CSMD1: variants seen among roughly 807,000 people sequenced by gnomAD.
The protein encoded by CSMD1 is CUB and Sushi multiple domains 1, also known as CUB and sushi domain-containing protein 1.
A neutral mutation model predicts 417.5 loss-of-function variants in CSMD1; 213 were observed. The observed-to-expected ratio is 0.51, with a 90% CI of 0.46 to 0.57. The LOEUF (loss-of-function observed/expected upper bound fraction) is 0.57, where lower values mean the gene tolerates loss of function less well. Among genes scored for constraint, CSMD1 ranks in the 20% least tolerant of loss-of-function variants. CSMD1 has a pLI of 0.00. For synonymous variants in CSMD1, 2,862 were observed against 1,736.8 expected (o/e 1.65, Z -16.11); for missense variants, 6,923 against 4,529.7 (o/e 1.53, Z -15.17).
intron 1 of CSMD1, among the ~76,000 whole-genome samples, chr8:4,675,517 A>T (rs906231814): frequency 3.9e-5 from 6 of 152,184 alleles, no homozygotes; most frequent in African/African-American, 1.4e-4. Flanking sequence ...TCAAGACTGT[A>T]ATGGAGGGAC....
At chr8:4,245,267 A>G (rs1201141770) in intron 3 of CSMD1, among the ~76,000 whole-genome samples, 2 of 152,182 alleles carry the variant, frequency 1.3e-5, no homozygotes, top group Non-Finnish European at 2.9e-5. Context: ...GCAATGAATT[A>G]TATAACTCTA....
chr8:4,400,442 A>G (rs1804568921), intron 3 of CSMD1, among the ~76,000 whole-genome samples: 2 of 152,246 alleles, frequency 1.3e-5, no homozygotes, highest in Admixed American at 1.3e-4. Context: ...GCATGTATGC[A>G]GACATCGAGA....
intron 1 of CSMD1, among the ~76,000 whole-genome samples, chr8:4,931,573 G>GAA (rs34886559): frequency 3.3e-5 from 5 of 151,918 alleles, no homozygotes; most frequent in African/African-American, 4.8e-5. Flanking sequence ...CTGATTTCAA[G>GAA]AAAAAAGTCT....
intron 23 of CSMD1, among the ~76,000 whole-genome samples, chr8:3,333,024 G>A (rs1005218108): frequency 6.6e-6 from 1 of 152,182 alleles, no homozygotes; most frequent in African/African-American, 2.4e-5. Context: ...GCTCCCCATG[G>A]CTTTGGAGAA....
At chr8:4,249,552 G>C (rs1802924814) in intron 3 of CSMD1, among the ~76,000 whole-genome samples, 1 of 152,196 alleles carries the variant, frequency 6.6e-6, no homozygotes, top group Non-Finnish European at 1.5e-5. Flanking sequence ...AGGGAGACCT[G>C]AGGAGCGGAT....
intron 1 of CSMD1, among the ~76,000 whole-genome samples, chr8:4,690,878 G>A (rs1404537311): frequency 1.3e-5 from 2 of 152,156 alleles, no homozygotes; most frequent in East Asian, 3.9e-4. Context: ...ATAGGTGCAT[G>A]TCACCATGCC....
At chr8:2,995,711 A>G (rs1369433232) in intron 54 of CSMD1, among the ~76,000 whole-genome samples, 1 of 152,182 alleles carries the variant, frequency 6.6e-6, no homozygotes, top group African/African-American at 2.4e-5. Flanking sequence ...ATGCTACTCC[A>G]CAGGAAAAAG....
At chr8:4,142,482 A>C (rs978775669) in intron 3 of CSMD1, among the ~76,000 whole-genome samples, 2 of 151,322 alleles carry the variant, frequency 1.3e-5, no homozygotes, top group Non-Finnish European at 2.9e-5. Context: ...GTTATTTGCT[A>C]AATTCACAAG....
At chr8:4,324,071 C>T (rs976132216) in intron 3 of CSMD1, among the ~76,000 whole-genome samples, 5 of 152,166 alleles carry the variant, frequency 3.3e-5, no homozygotes, top group African/African-American at 1.2e-4. Context: ...CGAGGCCAAG[C>T]TTAGATTTTA....
intron 3 of CSMD1, among the ~76,000 whole-genome samples, chr8:4,268,568 G>A (rs1334367978): frequency 1.3e-5 from 2 of 152,082 alleles, no homozygotes; most frequent in African/African-American, 2.4e-5. Flanking sequence ...GATTAGAGAT[G>A]AATATCCTCA....
chr8:4,945,794 G>T (rs1431879883), intron 1 of CSMD1, among the ~76,000 whole-genome samples: 1 of 152,122 alleles, frequency 6.6e-6, no homozygotes, highest in Non-Finnish European at 1.5e-5. Context: ...TGACGGATGA[G>T]GTTAAGTAGG....
chr8:4,938,741 G>T (rs1807787158), intron 1 of CSMD1, among the ~76,000 whole-genome samples: 1 of 152,218 alleles, frequency 6.6e-6, no homozygotes, highest in Non-Finnish European at 1.5e-5. Context: ...TCTGAGAATG[G>T]GAAGGTTAAA....
chr8:3,470,790 G>C (rs73174856), intron 11 of CSMD1, among the ~76,000 whole-genome samples: 8,993 of 152,206 alleles, frequency 0.059, 358 homozygotes, highest in Non-Finnish European at 0.089. Flanking sequence ...AACAACCTGG[G>C]ATTGGATTTT....
intron 5 of CSMD1, among the ~76,000 whole-genome samples, chr8:3,811,704 A>C (rs972673366): frequency 6.6e-6 from 1 of 152,114 alleles, no homozygotes; most frequent in Non-Finnish European, 1.5e-5. Context: ...TTGTTTTTGT[A>C]GGAAAATTGT....
At chr8:3,788,329 G>C (rs533207828) in intron 5 of CSMD1, among the ~76,000 whole-genome samples, 4 of 152,128 alleles carry the variant, frequency 2.6e-5, no homozygotes, top group African/African-American at 9.7e-5. Flanking sequence ...TAAGGGATGG[G>C]CTTTAGGTAC....
intron 1 of CSMD1, among the ~76,000 whole-genome samples, chr8:4,825,957 G>C (rs1358890129): frequency 6.6e-6 from 1 of 151,616 alleles, no homozygotes; most frequent in Non-Finnish European, 1.5e-5. Flanking sequence ...ACATCTTTGA[G>C]GATGACTAAT....
At chr8:4,954,367 AT>A (rs1181219723) in intron 1 of CSMD1, among the ~76,000 whole-genome samples, 1 of 152,124 alleles carries the variant, frequency 6.6e-6, no homozygotes, top group Non-Finnish European at 1.5e-5. Context: ...CTAAAGACAC[AT>A]TTTTTGTGTG....
chr8:4,244,295 C>T (rs1377265664), intron 3 of CSMD1, among the ~76,000 whole-genome samples: 1 of 152,140 alleles, frequency 6.6e-6, no homozygotes, highest in Non-Finnish European at 1.5e-5. Context: ...TCGGGAAACA[C>T]TATGCAGTCT....
chr8:4,143,442 G>C lies in CSMD1; in HGVS notation c.416-111343C>G, dbSNP rs190648172. ...CAGGCTGAAAGTTCGGATACCTTTG[G>C]TAAATTTGTTTTATTACAGGAGGTG... On this transcript the variant is annotated intron_variant, in intron 3 of 69. Coordinates refer to ENST00000635120, the MANE Select transcript of CSMD1 (RefSeq NM_033225.6). Among the ~76,000 whole-genome samples the C allele has an allele frequency of 1.1e-3, 169 of 149,494 alleles. 2 individuals carry two copies. Among genetic ancestry groups the C allele is most frequent in the Middle Eastern group, 6.8e-3 (2 of 294 alleles).
Sources: allele counts gnomAD v4.1 joint callset (sites outside exome capture counted in the v4.1 genomes callset), GRCh38; gene constraint gnomAD v4.1.1; transcripts MANE v1.5; gene names NCBI Gene and HGNC (gene_info 2026-07-23, HGNC 2026-07-21).